The following HCRTR2 variants were observed in gnomAD, a reference collection of about 807,000 sequenced individuals.
The protein encoded by HCRTR2 is orexin receptor type 2.
A neutral mutation model predicts 49.0 loss-of-function variants in HCRTR2; 22 were observed. That is an observed-to-expected ratio of 0.45 (90% CI 0.32 to 0.64). HCRTR2 has a LOEUF of 0.64. HCRTR2 is among the 30% of genes least tolerant of loss of function. The probability of loss-of-function intolerance (pLI) is 0.04; values close to 1 mark genes in which losing one functional copy is unlikely to be tolerated. For missense variants in HCRTR2, 491 were observed against 559.4 expected (o/e 0.88, Z 1.23); for synonymous variants, 236 against 205.3 (o/e 1.15, Z -1.28).
chr6:55,172,536 A>T (rs1368527319), upstream of HCRTR2, among the ~76,000 whole-genome samples: 3 of 152,166 alleles, frequency 2.0e-5, no homozygotes, highest in African/African-American at 7.2e-5. Context: ...AAGAAATTTA[A>T]TTAGTGCAGA....
chr6:55,242,509 A>C (rs1279484829), intron 1 of HCRTR2, among the ~76,000 whole-genome samples: 1 of 152,200 alleles, frequency 6.6e-6, no homozygotes, highest in Non-Finnish European at 1.5e-5. Flanking sequence ...AAACTAAATA[A>C]ATAAGCAAAT....
intron 1 of HCRTR2, among the ~76,000 whole-genome samples, chr6:55,140,649 TACTC>T (rs1467927132): frequency 2.6e-5 from 4 of 152,158 alleles, no homozygotes; most frequent in Non-Finnish European, 5.9e-5. Flanking sequence ...TGTTAAAAAA[TACTC>T]TCTCTCACAC....
intron 1 of HCRTR2, among the ~76,000 whole-genome samples, chr6:55,160,137 T>G (rs1282182563): frequency 1.3e-5 from 2 of 152,160 alleles, no homozygotes; most frequent in Non-Finnish European, 2.9e-5. Flanking sequence ...ACAGTGGATC[T>G]CCCTGCAGAA....
At chr6:55,283,569 T>G (rs771245792), downstream of HCRTR2, among the ~76,000 whole-genome samples, 10 of 152,172 alleles carry the variant, frequency 6.6e-5, no homozygotes, top group Non-Finnish European at 8.8e-5. Context: ...GTATATTTTG[T>G]AGAAAATGTA....
intron 1 of HCRTR2, among the ~76,000 whole-genome samples, chr6:55,231,450 A>C (rs2127300075): frequency 6.6e-6 from 1 of 152,284 alleles, no homozygotes; most frequent in South Asian, 2.1e-4. Flanking sequence ...CACTTTATTT[A>C]ACGGAATATC....
At chr6:55,110,738 T>G (rs77431460) in intron 1 of HCRTR2, among the ~76,000 whole-genome samples, 1 of 152,060 alleles carries the variant, frequency 6.6e-6, no homozygotes, top group African/African-American at 2.4e-5. Context: ...AAACAATTTA[T>G]AGTAAACCTA....
chr6:55,140,874 A>G (rs9637955), intron 1 of HCRTR2, among the ~76,000 whole-genome samples: 3,038 of 152,310 alleles, frequency 0.02, 41 homozygotes, highest in East Asian at 0.056. Context: ...ATACAGGCAT[A>G]TCTGCCCTGA....
At chr6:55,268,844 A>C (rs1269595196) in intron 4 of HCRTR2, among the ~76,000 whole-genome samples, 1 of 152,082 alleles carries the variant, frequency 6.6e-6, no homozygotes, top group East Asian at 1.9e-4. Flanking sequence ...TAATCCCAGC[A>C]CTTTGGGAGG....
At chr6:55,275,425 C>T (rs768472336) in intron 4 of HCRTR2, among the ~76,000 whole-genome samples, 2 of 151,996 alleles carry the variant, frequency 1.3e-5, no homozygotes, top group Non-Finnish European at 2.9e-5. Context: ...TAATTTTATA[C>T]GGAGTTTCTC....
intron 1 of HCRTR2, among the ~76,000 whole-genome samples, chr6:55,125,587 T>G (rs1764262687): frequency 6.6e-6 from 1 of 152,164 alleles, no homozygotes; most frequent in Non-Finnish European, 1.5e-5. Context: ...GATGATTCTG[T>G]GTCTTGGGTT....
chr6:55,252,430 C>G (rs1766567348), intron 2 of HCRTR2, among the ~76,000 whole-genome samples: 2 of 152,088 alleles, frequency 1.3e-5, no homozygotes, highest in African/African-American at 2.4e-5. Flanking sequence ...GCTTGATGAA[C>G]ACTTTGTACT....
At chr6:55,173,032 G>A (rs1011822979), upstream of HCRTR2, among the ~76,000 whole-genome samples, 1 of 152,198 alleles carries the variant, frequency 6.6e-6, no homozygotes, top group Non-Finnish European at 1.5e-5. Flanking sequence ...CCAAACAGAT[G>A]TAGGTGGGAG....
intron 5 of HCRTR2, among the ~76,000 whole-genome samples, chr6:55,279,706 A>G (rs934599845): frequency 6.6e-6 from 1 of 152,134 alleles, no homozygotes; most frequent in African/African-American, 2.4e-5. Flanking sequence ...ATTTTTTAAT[A>G]GTCTTTAAGG....
intron 1 of HCRTR2, among the ~76,000 whole-genome samples, chr6:55,230,909 T>A (rs1766102659): frequency 6.6e-6 from 1 of 151,996 alleles, no homozygotes; most frequent in African/African-American, 2.4e-5. Context: ...TTCACCTCTG[T>A]ATAGAATCCT....
chr6:55,151,809 TA>T (rs1764668355), intron 1 of HCRTR2, among the ~76,000 whole-genome samples: 1 of 151,846 alleles, frequency 6.6e-6, no homozygotes, highest in African/African-American at 2.4e-5. Flanking sequence ...AAAAAACACT[TA>T]AAAATCAAAA....
intron 1 of HCRTR2, among the ~76,000 whole-genome samples, chr6:55,121,897 G>A (rs574392012): frequency 5.1e-4 from 78 of 151,922 alleles, no homozygotes; most frequent in Middle Eastern, 3.4e-3. Flanking sequence ...ATCGATGTTC[G>A]TCAGGGATAT....
chr6:55,137,642 G>C (rs896056748), intron 1 of HCRTR2, among the ~76,000 whole-genome samples: 2 of 152,118 alleles, frequency 1.3e-5, no homozygotes, highest in Admixed American at 6.6e-5. Flanking sequence ...CCAAGAGACA[G>C]TGTGATTTAG....
chr6:55,186,683 T>C (rs1457689283), intron 1 of HCRTR2, among the ~76,000 whole-genome samples: 4 of 152,226 alleles, frequency 2.6e-5, no homozygotes, highest in Non-Finnish European at 5.9e-5. Context: ...TAATTCTTGG[T>C]TGTTTTTATA....
At chr6:55,201,860 A>G (rs906262075) in intron 1 of HCRTR2, among the ~76,000 whole-genome samples, 1 of 152,180 alleles carries the variant, frequency 6.6e-6, no homozygotes, top group Non-Finnish European at 1.5e-5. Flanking sequence ...AGTCAGAAGC[A>G]TATACTATTA....
Sources: allele counts gnomAD v4.1 joint callset (sites outside exome capture counted in the v4.1 genomes callset), GRCh38; gene constraint gnomAD v4.1.1; transcripts MANE v1.5; gene names NCBI Gene and HGNC (gene_info 2026-07-23, HGNC 2026-07-21).